The following CCDC150 variants were observed in gnomAD, a reference collection of about 807,000 sequenced individuals.
CCDC150 encodes coiled-coil domain containing 150, also known as coiled-coil domain-containing protein 150.
In CCDC150, 151 loss-of-function variants were observed where a neutral mutation model predicts 156.5. That is an observed-to-expected ratio of 0.97 (90% CI 0.85 to 1.10). The LOEUF is 1.10. CCDC150 is among the 50% of genes least tolerant of loss of function. The pLI, the probability that CCDC150 is intolerant of heterozygous loss-of-function variation, is 0.00. For synonymous variants in CCDC150, 452 were observed against 429.4 expected (o/e 1.05, Z -0.65); for missense variants, 1,312 against 1,268.1 (o/e 1.03, Z -0.53).
chr2:196,672,311 T>G (rs1210008847), intron 8 of CCDC150, 34 bp from the exon 9 acceptor site: 2 of 1,169,776 alleles, frequency 1.7e-6, no homozygotes, highest in African/African-American at 3.2e-5. Context: ...GTATCTCTTA[T>G]ATGTGAAAAA....
In CCDC150 at chr2:196,656,627, G is replaced by A; in HGVS notation, c.177-6G>A. ...ATAATATTGTTATATTGGGATCTTTGTCCAGAGGCTATTTGGAAGCTCCAG... is the reference window on the plus strand; with the variant it reads ...ATAATATTGTTATATTGGGATCTTTATCCAGAGGCTATTTGGAAGCTCCAG... On this transcript the variant is annotated splice_region_variant and splice_polypyrimidine_tract_variant and intron_variant, in intron 2 of 27. Coordinates refer to ENST00000389175, the MANE Select transcript of CCDC150 (RefSeq NM_001080539.2). 1 of 1,591,228 alleles carries A rather than the reference G, an allele frequency of 6.3e-7. No homozygotes were observed. The highest frequency in any genetic ancestry group is 2.3e-5 in the East Asian group (1 of 44,426).
At chr2:196,664,817 A>G (rs747298121) in intron 5 of CCDC150, among the ~76,000 whole-genome samples, 1 of 151,944 alleles carries the variant, frequency 6.6e-6, no homozygotes, top group Non-Finnish European at 1.5e-5. Flanking sequence ...AGACACTCTT[A>G]TGAGGTGATT....
At chr2:196,695,438 A>AT (rs1024436197) in intron 14 of CCDC150, among the ~76,000 whole-genome samples, 6 of 152,052 alleles carry the variant, frequency 3.9e-5, no homozygotes, top group East Asian at 1.9e-4. Context: ...AGAAACTTGT[A>AT]TTTTTTTTCT....
intron 4 of CCDC150, among the ~76,000 whole-genome samples, chr2:196,658,242 G>A (rs10197202): frequency 0.77 from 116,600 of 151,886 alleles, 44,875 homozygotes; most frequent in South Asian, 0.82. Context: ...TGAAAGGAAA[G>A]AGGAATGTTC....
Position 196,729,491 on chromosome 2 carries a change from A to G in CCDC150, c.2751+104A>G, listed in dbSNP as rs943302038. On this transcript the variant is annotated intron_variant, in intron 23 of 27. Coordinates refer to ENST00000389175, the MANE Select transcript of CCDC150 (RefSeq NM_001080539.2). ...TTTTAGAACCCTAGCAGCCCCATGT[A>G]TTCTCTGGGAATTATAGCCAGTTGT... 4.7e-6 allele frequency: 5 copies of G among 1,053,438 alleles called. No individual in the cohort carries two copies. In the African/African-American group the frequency reaches 6.4e-5, roughly 13 times the overall value. The allele number at this position is 1,053,438 out of a possible 1,614,324, so 65.3% of individuals were successfully genotyped here. A position where few individuals can be genotyped will look rare whatever the true frequency, so the allele number is the denominator to read the frequency against.
intron 13 of CCDC150, among the ~76,000 whole-genome samples, chr2:196,694,487 A>G (rs898401671): frequency 6.6e-6 from 1 of 152,248 alleles, no homozygotes; most frequent in Non-Finnish European, 1.5e-5. Context: ...AGAAAAACTC[A>G]GAAAATGGAA....
At chr2:196,668,384 TA>T (rs1444891007) in intron 7 of CCDC150, among the ~76,000 whole-genome samples, 1 of 151,022 alleles carries the variant, frequency 6.6e-6, no homozygotes, top group African/African-American at 2.4e-5. Flanking sequence ...TAGCTGGGCC[TA>T]AAACAGGTAT....
intron 22 of CCDC150, 194 bp downstream of exon 22, chr2:196,726,293 A>T (rs1187696455): frequency 2.0e-6 from 1 of 512,222 alleles, no homozygotes; most frequent in Non-Finnish European, 3.4e-6. Context: ...TGCCCGACAA[A>T]GGTGTGCCTT....
At chr2:196,647,087 A>G (rs1275978394) in intron 2 of CCDC150, among the ~76,000 whole-genome samples, 3 of 152,274 alleles carry the variant, frequency 2.0e-5, no homozygotes, top group South Asian at 2.1e-4. Flanking sequence ...TAAAAATTAC[A>G]TATATATTTC....
chr2:196,653,560 C>T (rs2125579321), intron 2 of CCDC150, among the ~76,000 whole-genome samples: 1 of 152,298 alleles, frequency 6.6e-6, no homozygotes. Flanking sequence ...AGCCTGTCCT[C>T]TGTCTATATT....
chr2:196,692,439 C>G (rs1004545746), intron 13 of CCDC150, among the ~76,000 whole-genome samples: 2 of 152,170 alleles, frequency 1.3e-5, no homozygotes, highest in African/African-American at 4.8e-5. Flanking sequence ...CGGCCGAGAT[C>G]TAATTTTTTG....
At position 196,721,577 on chromosome 2, in the gene CCDC150, C is replaced by T. The variant is rs1697915982; in HGVS notation, c.2315C>T (p.Ala772Val). Reference sequence around the variant, plus strand: ...GCTAGAGAAGACAACAGGAAACTTGCTATGAGTCTGGAACAAGCTCTCCAG... The same window carrying T: ...GCTAGAGAAGACAACAGGAAACTTGTTATGAGTCTGGAACAAGCTCTCCAG... ...GVAREDNRKL[A>V]MSLEQALQTN... is the part of the protein sequence containing the mutation. Residue 772 changes from alanine (A) to valine (V), a missense_variant, in exon 21 of 28, where the codon GCT (alanine) becomes GTT (valine). Physicochemically the swap from Ala to Val is moderately conservative, Grantham distance 64. Coordinates refer to ENST00000389175, the MANE Select transcript of CCDC150 (RefSeq NM_001080539.2). The T allele has an allele frequency of 6.2e-7, 1 of 1,608,410 alleles. No homozygotes were observed. The highest frequency in any genetic ancestry group is 2.2e-5 in the East Asian group (1 of 44,758).
At chr2:196,699,299 GAAAT>G (rs921827571) in intron 14 of CCDC150, among the ~76,000 whole-genome samples, 4 of 152,140 alleles carry the variant, frequency 2.6e-5, no homozygotes, top group Non-Finnish European at 5.9e-5. Context: ...AATAATGTAT[GAAAT>G]AAATATTAAT....
rs748372749 is a variant in CCDC150, at chr2:196,682,170, CT to C, written c.1509+4810del. ...TAAGGGTTTGACTTCATTATTTTGG[CT>C]ACAGATATACAATTGTCCGAGTACT... On this transcript the variant is annotated intron_variant, in intron 13 of 27. Transcript: ENST00000389175. 8.9e-4 allele frequency among the ~76,000 whole-genome samples: 136 copies of C among 152,076 alleles called. 1 individual carries two copies. The highest frequency in any genetic ancestry group is 1.5e-3 in the Non-Finnish European group (100 of 67,908).
rs766339853 is a variant in CCDC150 at position 196,713,518 on chromosome 2, G to A, written c.1866+779G>A. ...GCCGTGTGAGCTTTGCACCTAACCT[G>A]CCTTCTATGAAAACATCTCAGGATA... On this transcript the variant is annotated intron_variant, in intron 17 of 27. Transcript: ENST00000389175. The A allele has an allele frequency of 3.2e-6, 5 of 1,550,532 alleles. No individual in the cohort carries two copies. In the South Asian group the frequency reaches 3.6e-5, roughly 11 times the overall value.
intron 7 of CCDC150, 101 bp from the exon 8 acceptor site, chr2:196,669,732 T>A: frequency 1.2e-6 from 1 of 814,602 alleles, no homozygotes; most frequent in Non-Finnish European, 2.0e-6. Flanking sequence ...GTTCTCCTTA[T>A]CTCTACAAAA....
At chr2:196,663,118 A>G (rs1260967541) in intron 5 of CCDC150, among the ~76,000 whole-genome samples, 1 of 148,630 alleles carries the variant, frequency 6.7e-6, no homozygotes, top group Non-Finnish European at 1.5e-5. Context: ...ACACTCCTTT[A>G]GTACCAGGTA....
At chr2:196,713,070 G>A (rs1285164446) in intron 17 of CCDC150, 2 of 483,724 alleles carry the variant, frequency 4.1e-6, no homozygotes, top group Non-Finnish European at 7.2e-6. Flanking sequence ...TACTCATAGA[G>A]TTCTAACCAC....
At chr2:196,707,934 T>C (rs1696784312) in intron 15 of CCDC150, among the ~76,000 whole-genome samples, 1 of 152,180 alleles carries the variant, frequency 6.6e-6, no homozygotes, top group South Asian at 2.1e-4. Context: ...AACTATATGG[T>C]CAATTTTGGA....
Sources: gnomAD v4.1 joint callset for allele counts (sites outside exome capture counted in the v4.1 genomes callset) on GRCh38, gnomAD v4.1.1 for gene constraint, MANE v1.5 for transcripts, NCBI Gene and HGNC (gene_info 2026-07-23, HGNC 2026-07-21) for gene names.